FAM174B: variants seen among roughly 807,000 people sequenced by gnomAD.
FAM174B encodes membrane protein FAM174B.
In FAM174B, 12 loss-of-function variants were observed where a neutral mutation model predicts 10.9. That is an observed-to-expected ratio of 1.10 (90% CI 0.71 to 1.79). The LOEUF (loss-of-function observed/expected upper bound fraction) is 1.79. Among genes scored for constraint, FAM174B ranks in the 40% most tolerant of loss-of-function variants. The pLI, the probability that FAM174B is intolerant of heterozygous loss-of-function variation, is 0.00. For synonymous variants in FAM174B, 132 were observed against 115.8 expected (o/e 1.14, Z -0.90); for missense variants, 266 against 233.3 (o/e 1.14, Z -0.91).
Position 92,619,031 on chromosome 15 carries a change from A to G in FAM174B, c.*425T>C. On this transcript the variant is annotated 3_prime_UTR_variant, in exon 3 of 3. Coordinates refer to ENST00000327355, the MANE Select transcript of FAM174B (RefSeq NM_207446.3). Reference sequence around the variant, plus strand: ...CAATGTGTAGATCCAGTAGAGAAGAATGTCGGAAATTCTAAATACACAGTT... The same window carrying G: ...CAATGTGTAGATCCAGTAGAGAAGAGTGTCGGAAATTCTAAATACACAGTT... The G allele has an allele frequency of 2.5e-6, 1 of 402,564 alleles. No individual in the cohort carries two copies. The highest frequency in any genetic ancestry group is 4.1e-5 in the Admixed American group (1 of 24,158). 24.9% of individuals were successfully genotyped at this position (402,564 alleles called of 1,614,324 possible).
intron 1 of FAM174B, among the ~76,000 whole-genome samples, chr15:92,644,739 A>T (rs559573573): frequency 1.3e-5 from 2 of 152,316 alleles, no homozygotes; most frequent in South Asian, 4.1e-4. Flanking sequence ...GGGAACAAAC[A>T]ACAGTGACAA....
intron 1 of FAM174B, among the ~76,000 whole-genome samples, chr15:92,647,326 C>T (rs1007340532): frequency 1.1e-4 from 17 of 152,184 alleles, no homozygotes; most frequent in African/African-American, 3.9e-4. Flanking sequence ...ATTCTGGTCC[C>T]TGACCCATCC....
chr15:92,629,421 C>G (rs953137525), intron 2 of FAM174B, among the ~76,000 whole-genome samples: 1 of 152,190 alleles, frequency 6.6e-6, no homozygotes, highest in East Asian at 1.9e-4. Context: ...TGGAGCTCAT[C>G]GGTAAACTCC....
At chr15:92,634,910 A>G (rs953722999) in intron 1 of FAM174B, among the ~76,000 whole-genome samples, 2 of 151,644 alleles carry the variant, frequency 1.3e-5, no homozygotes, top group Middle Eastern at 3.2e-3. Context: ...CTGCCTTCCA[A>G]CTGGGACATC....
At chr15:92,638,921 G>A (rs1040359274) in intron 1 of FAM174B, among the ~76,000 whole-genome samples, 5 of 152,308 alleles carry the variant, frequency 3.3e-5, no homozygotes, top group South Asian at 2.1e-4. Context: ...ACAGCACTGG[G>A]GTGACGGTAC....
chr15:92,631,191 TTA>T lies in FAM174B; in HGVS notation c.345-848_345-847del, dbSNP rs1211305011. Among the ~76,000 whole-genome samples, 12 of 24,984 alleles carry T rather than the reference TTA, an allele frequency of 4.8e-4. 2 individuals carry two copies. The highest frequency in any genetic ancestry group is 1.3e-3 in the African/African-American group (12 of 9,052). 16.4% of individuals were successfully genotyped at this position (24,984 alleles called of 152,430 possible). On this transcript the variant is annotated intron_variant, in intron 1 of 2. Transcript: ENST00000327355. ...AATAATTTATATATTATATTATATA[TTA>T]TATATATTACATATATTATATATTA...
intron 1 of FAM174B, among the ~76,000 whole-genome samples, chr15:92,634,066 G>A (rs1440932027): frequency 6.6e-6 from 1 of 152,226 alleles, no homozygotes; most frequent in Non-Finnish European, 1.5e-5. Context: ...CTGTCTGGGA[G>A]GAGAGCTTGG....
At chr15:92,650,037 C>T (rs774246957) in intron 1 of FAM174B, among the ~76,000 whole-genome samples, 2 of 152,086 alleles carry the variant, frequency 1.3e-5, no homozygotes, top group African/African-American at 4.8e-5. Flanking sequence ...CATGGCTCCA[C>T]CCAAAACTCC....
chr15:92,655,598 G>A lies in FAM174B; in HGVS notation c.62C>T (p.Ala21Val), dbSNP rs1372216656. ...LPLLLLALLAAPAARASRAES... is the reference protein window; with the variant it reads ...LPLLLLALLAVPAARASRAES... Reference sequence around the variant, plus strand: ...GGCTCTGCTGGCGCGGGCGGCGGGAGCGGCCAGGAGCGCGAGCAGCAGCAG... The same window carrying A: ...GGCTCTGCTGGCGCGGGCGGCGGGAACGGCCAGGAGCGCGAGCAGCAGCAG... The change falls in exon 1 of 3, where the codon GCT (alanine) becomes GTT (valine). Residue 21 changes from alanine (A) to valine (V), a missense_variant. Physicochemically the swap from Ala to Val is moderately conservative, Grantham distance 64. Transcript: ENST00000327355. 1 of 1,280,446 alleles carries A rather than the reference G, an allele frequency of 7.8e-7. No individual in the cohort carries two copies. Among genetic ancestry groups the A allele is most frequent in the Non-Finnish European group, 9.8e-7 (1 of 1,016,216 alleles). 79.3% of individuals were successfully genotyped at this position (1,280,446 alleles called of 1,614,324 possible).
At chr15:92,631,237 ATATAT>A (rs1303058172) in intron 1 of FAM174B, among the ~76,000 whole-genome samples, 75 of 2,066 alleles carry the variant, frequency 0.036, 9 homozygotes, top group East Asian at 0.14. Flanking sequence ...ATAATATATT[ATATAT>A]TATATTATAT....
intron 2 of FAM174B, among the ~76,000 whole-genome samples, chr15:92,627,680 C>T (rs2050762131): frequency 6.6e-6 from 1 of 152,168 alleles, no homozygotes; most frequent in African/African-American, 2.4e-5. Context: ...AGTTCAGTCA[C>T]CAAAGATTGA....
intron 1 of FAM174B, among the ~76,000 whole-genome samples, chr15:92,635,453 C>T (rs537519754): frequency 6.6e-6 from 1 of 152,098 alleles, no homozygotes; most frequent in Non-Finnish European, 1.5e-5. Context: ...AGCTGTGGTG[C>T]ACCGGCTGTG....
At chr15:92,646,559 A>C (rs937888176) in intron 1 of FAM174B, among the ~76,000 whole-genome samples, 1 of 152,138 alleles carries the variant, frequency 6.6e-6, no homozygotes, top group East Asian at 1.9e-4. Context: ...CCGAAAAACT[A>C]ATTCAGGCCA....
At chr15:92,623,619 A>T (rs1448020385) in intron 2 of FAM174B, among the ~76,000 whole-genome samples, 1 of 152,216 alleles carries the variant, frequency 6.6e-6, no homozygotes, top group Non-Finnish European at 1.5e-5. Flanking sequence ...CAACACAGGA[A>T]CACCTGTTGC....
chr15:92,626,444 G>C (rs1325702014), intron 2 of FAM174B, among the ~76,000 whole-genome samples: 4 of 152,080 alleles, frequency 2.6e-5, no homozygotes, highest in African/African-American at 9.7e-5. Flanking sequence ...AAAAATAACT[G>C]CAATAAACAA....
chr15:92,623,075 G>C (rs1221069144), intron 2 of FAM174B, among the ~76,000 whole-genome samples: 1 of 151,918 alleles, frequency 6.6e-6, no homozygotes, highest in East Asian at 1.9e-4. Context: ...AGAATCACTT[G>C]ATCCCGGGAG....
At chr15:92,620,427 G>A (rs567712011) in intron 2 of FAM174B, among the ~76,000 whole-genome samples, 21 of 152,204 alleles carry the variant, frequency 1.4e-4, no homozygotes, top group Non-Finnish European at 2.2e-4. Flanking sequence ...GAACCCGGGA[G>A]GCAGAGCTCG....
At chr15:92,634,739 G>A (rs918033300) in intron 1 of FAM174B, 6 of 152,340 alleles carry the variant, frequency 3.9e-5, no homozygotes, top group African/African-American at 1.4e-4. Flanking sequence ...CACTGTCTGC[G>A]AGGATGGCCC....
At chr15:92,631,646 C>T (rs1478828884) in intron 1 of FAM174B, among the ~76,000 whole-genome samples, 4 of 147,278 alleles carry the variant, frequency 2.7e-5, no homozygotes, top group Non-Finnish European at 5.9e-5. Flanking sequence ...AGGCGCCCGC[C>T]ACCACACCCG....
Sources: gnomAD v4.1 joint callset for allele counts (sites outside exome capture counted in the v4.1 genomes callset) on GRCh38, gnomAD v4.1.1 for gene constraint, MANE v1.5 for transcripts, NCBI Gene and HGNC (gene_info 2026-07-23, HGNC 2026-07-21) for gene names.